NCAPD2: variants seen among roughly 807,000 people sequenced by gnomAD.
NCAPD2 encodes non-SMC condensin I complex subunit D2.
A neutral mutation model predicts 164.5 loss-of-function variants in NCAPD2; 100 were observed. The ratio of observed to expected loss-of-function variants is 0.61; its 90% confidence interval spans 0.52 to 0.72. The LOEUF (loss-of-function observed/expected upper bound fraction) is 0.72, where lower values mean the gene tolerates loss of function less well. NCAPD2 is among the 30% of genes least tolerant of loss of function. NCAPD2 has a pLI of 0.00. For synonymous variants in NCAPD2, 585 were observed against 642.6 expected (o/e 0.91, Z 1.36); for missense variants, 1,560 against 1,749.2 (o/e 0.89, Z 1.93).
rs545029307 is a variant in NCAPD2 at position 6,526,979 on chromosome 12, G to A, written c.2823G>A (p.Leu941=). The change falls in exon 22 of 32, where the codon TTG becomes TTA. Residue 941 remains leucine, a synonymous_variant. Transcript: ENST00000315579. ...GDVALQQLVH[L]EQAVSGELCR... is the part of the protein sequence containing the mutation. ...TGGCTCTGCAGCAGCTGGTCCACTT[G>A]GAGCAGGCAGTGAGTGGAGAGCTCT... is the stretch of plus-strand genomic sequence containing the variant. 3 of 1,614,178 alleles carry A rather than the reference G, an allele frequency of 1.9e-6. No homozygotes were observed. Among genetic ancestry groups the A allele is most frequent in the African/African-American group, 2.7e-5 (2 of 75,048 alleles).
At chr12:6,517,108 T>C in intron 10 of NCAPD2, 83 bp downstream of exon 10, 1 of 1,491,242 alleles carries the variant, frequency 6.7e-7, no homozygotes, top group Non-Finnish European at 9.3e-7. Context: ...AAGATAAATA[T>C]CTGCCCCAAA....
At chr12:6,516,167 A>G (rs9706048) in intron 9 of NCAPD2, among the ~76,000 whole-genome samples, 108,182 of 150,266 alleles carry the variant, frequency 0.72, 39,088 homozygotes, top group African/African-American at 0.79. Context: ...CTGCACTCCA[A>G]CCTGGGTGAC....
chr12:6,526,840 T>G (rs778368797), intron 21 of NCAPD2, 51 bp from the exon 22 acceptor site: 1 of 1,558,180 alleles, frequency 6.4e-7, no homozygotes, highest in Admixed American at 1.9e-5. Flanking sequence ...TCAGGTTTGA[T>G]GGGACTTAAA....
Position 6,528,270 on chromosome 12 carries a change from G to A in NCAPD2, c.3241G>A (p.Asp1081Asn), listed in dbSNP as rs763728649. Reference protein sequence around the residue: ...VRSNLMVATGDLAIRFPNLVD... With the variant: ...VRSNLMVATGNLAIRFPNLVD... ...GTCTAACCTCATGGTTGCCACTGGG[G>A]ATCTGGCCATCCGCTTTCCCAATCT... Residue 1081 changes from aspartate to asparagine, a missense_variant, in exon 25 of 32, where the codon GAT becomes AAT. Asp to Asn is a conservative substitution (Grantham distance 23). Transcript: ENST00000315579. This position sits in a 1 kb window ranked among gnomAD's most constrained non-coding sequence, Gnocchi z 5.1. 3.0e-5 allele frequency: 49 copies of A among 1,613,742 alleles called. No homozygotes were observed. The highest frequency in any genetic ancestry group is 4.0e-5 in the Non-Finnish European group (47 of 1,180,014).
chr12:6,504,933 C>T lies in NCAPD2; in HGVS notation c.128-4784C>T, dbSNP rs115180363. 9.1e-3 allele frequency among the ~76,000 whole-genome samples: 1,382 copies of T among 152,208 alleles called. 12 individuals are homozygous for T. Among genetic ancestry groups the T allele is most frequent in the African/African-American group, 0.031 (1,284 of 41,536 alleles). ...CTTGTAATGTCATGACTCTTTTCTG[C>T]TTCTTGGGAACACTTCCAGCATCAC... On this transcript the variant is annotated intron_variant, in intron 2 of 31. Coordinates refer to ENST00000315579, the MANE Select transcript of NCAPD2 (RefSeq NM_014865.4).
chr12:6,527,020 T>G lies in NCAPD2; in HGVS notation c.2864T>G (p.Leu955Arg). 6.2e-7 allele frequency: 1 copy of G among 1,613,942 alleles called. No individual in the cohort carries two copies. The highest frequency in any genetic ancestry group is 1.1e-5 in the South Asian group (1 of 91,064). ...VSGELCRRRV[L>R]REEQEHKTKD... ...GGAGAGCTCTGCCGGCGCCGAGTTC[T>G]CCGGGAAGAACAGGAGCACAAGACC... is the stretch of plus-strand genomic sequence containing the variant. Residue 955 changes from leucine to arginine, a missense_variant, in exon 22 of 32, where the codon CTC (leucine) becomes CGC (arginine). Leu to Arg is a moderately radical substitution (Grantham distance 102, BLOSUM62 -2). Coordinates refer to ENST00000315579, the MANE Select transcript of NCAPD2 (RefSeq NM_014865.4).
chr12:6,525,008 A>G (rs1946303456), intron 17 of NCAPD2, among the ~76,000 whole-genome samples: 1 of 152,232 alleles, frequency 6.6e-6, no homozygotes, highest in African/African-American at 2.4e-5. Context: ...GACGTGGGGA[A>G]GCAGAGGCTG....
intron 6 of NCAPD2, 45 bp downstream of exon 6, chr12:6,511,297 G>T: frequency 6.3e-7 from 1 of 1,590,698 alleles, no homozygotes. Flanking sequence ...CTGTGAGAGT[G>T]AGGCTCTGTT....
rs1946127305 is a variant in NCAPD2, at chr12:6,509,585, T to G, written c.128-132T>G. The G allele has an allele frequency of 3.5e-6, 3 of 859,094 alleles. No homozygotes were observed. In the East Asian group the frequency reaches 7.5e-5, roughly 22 times the overall value. 53.2% of individuals were successfully genotyped at this position (859,094 alleles called of 1,614,324 possible). The stretch of plus-strand genomic sequence containing the variant: ...CTCTCATCGTCATTATAGGTTACAT[T>G]GAAGTGAACTGTTTGTCTCTTTTTT... On this transcript the variant is annotated intron_variant, in intron 2 of 31. Transcript: ENST00000315579.
Position 6,517,228 on chromosome 12 carries a change from G to A in NCAPD2, c.1186-137G>A, listed in dbSNP as rs1012672049. 4 of 1,357,704 alleles carry A rather than the reference G, an allele frequency of 2.9e-6. No individual in the cohort carries two copies. In the African/African-American group the frequency reaches 4.4e-5, roughly 15 times the overall value. 84.1% of individuals were successfully genotyped at this position (1,357,704 alleles called of 1,614,324 possible). ...GTAATGTGTCTTACCACTACAAGGA[G>A]TACTCCTAATCTATATTCTGTAGAA... On this transcript the variant is annotated intron_variant, in intron 10 of 31. Transcript: ENST00000315579.
chr12:6,502,955 C>T (rs969096847), intron 2 of NCAPD2, among the ~76,000 whole-genome samples: 8 of 151,216 alleles, frequency 5.3e-5, no homozygotes, highest in Admixed American at 4.6e-4. Context: ...AGCGATTCTC[C>T]TGCCTCAGCC....
At chr12:6,508,310 T>C (rs1405899630) in intron 2 of NCAPD2, among the ~76,000 whole-genome samples, 1 of 152,066 alleles carries the variant, frequency 6.6e-6, no homozygotes, top group South Asian at 2.1e-4. Context: ...CATTCTGGCC[T>C]GGGCAACAAA....
Position 6,511,267 on chromosome 12 carries a change from T to G in NCAPD2, c.587+15T>G, listed in dbSNP as rs758037224. The G allele has an allele frequency of 6.2e-7, 1 of 1,613,912 alleles. No individual in the cohort carries two copies. The highest frequency in any genetic ancestry group is 8.5e-7 in the Non-Finnish European group (1 of 1,179,890). On this transcript the variant is annotated intron_variant, in intron 6 of 31. Transcript: ENST00000315579. The stretch of plus-strand genomic sequence containing the variant: ...GAATTTGTCAGGTGGGTAGGGAGGA[T>G]GGCTACAGATAATACTGAGCTGTGA...
At chr12:6,503,627 C>T (rs956115477) in intron 2 of NCAPD2, among the ~76,000 whole-genome samples, 3 of 151,764 alleles carry the variant, frequency 2.0e-5, no homozygotes, top group African/African-American at 4.8e-5. Flanking sequence ...AAAAATTAGC[C>T]GGGTGTGGTG....
At chr12:6,519,916 G>A (rs1237480286) in intron 13 of NCAPD2, among the ~76,000 whole-genome samples, 1 of 151,638 alleles carries the variant, frequency 6.6e-6, no homozygotes, top group Non-Finnish European at 1.5e-5. Flanking sequence ...GCTCACACCT[G>A]TAATCCCAGC....
Position 6,494,953 on chromosome 12 carries a change from A to C in NCAPD2, c.-23-123A>C, listed in dbSNP as rs921014096. ...GGTGGGGAACTAACAAAACCAGATG[A>C]TGTTACTAGCTTGCTATAAAACTAA... On this transcript the variant is annotated intron_variant, in intron 1 of 31. Coordinates refer to ENST00000315579, the MANE Select transcript of NCAPD2 (RefSeq NM_014865.4). The C allele has an allele frequency of 9.6e-6, 9 of 936,896 alleles. No homozygotes were observed. The African/African-American group carries it at 1.5e-4, about 16-fold the overall frequency. 58.0% of individuals were successfully genotyped at this position (936,896 alleles called of 1,614,324 possible). A position where few individuals can be genotyped will look rare whatever the true frequency, so the allele number is the denominator to read the frequency against.
At chr12:6,520,218 A>G (rs1192185295) in intron 13 of NCAPD2, among the ~76,000 whole-genome samples, 1 of 151,306 alleles carries the variant, frequency 6.6e-6, no homozygotes, top group Non-Finnish European at 1.5e-5. Flanking sequence ...ACACATATAT[A>G]TTTATACATA....
intron 10 of NCAPD2, 149 bp from the exon 11 acceptor site, chr12:6,517,216 C>T: frequency 1.5e-6 from 2 of 1,305,588 alleles, no homozygotes; most frequent in Non-Finnish European, 1.0e-6. Context: ...ATGTGTCTTA[C>T]CACTACAAGG....
intron 2 of NCAPD2, among the ~76,000 whole-genome samples, chr12:6,504,895 CAATTTGGCTTTTCTTGT>C (rs2137041089): frequency 6.6e-6 from 1 of 152,196 alleles, no homozygotes; most frequent in Non-Finnish European, 1.5e-5. Context: ...CCATATGAAG[CAATTTGGCTTTTCTTGT>C]AATGTCATGA....
Sources: gnomAD v4.1 joint callset for allele counts (sites outside exome capture counted in the v4.1 genomes callset) on GRCh38, gnomAD v4.1.1 for gene constraint, Gnocchi (gnomAD v3.1) non-coding constraint, MANE v1.5 for transcripts, NCBI Gene and HGNC (gene_info 2026-07-23, HGNC 2026-07-21) for gene names.